The following PDLIM5 variants were observed in gnomAD, a reference collection of about 807,000 sequenced individuals.
PDLIM5 encodes PDZ and LIM domain protein 5.
A neutral mutation model predicts 64.2 loss-of-function variants in PDLIM5; 34 were observed. The ratio of observed to expected loss-of-function variants is 0.53; its 90% confidence interval spans 0.40 to 0.71. The LOEUF is 0.71. PDLIM5 is among the 30% of genes least tolerant of loss of function. The probability of loss-of-function intolerance (pLI) is 0.00; values close to 1 mark genes in which losing one functional copy is unlikely to be tolerated. For synonymous variants in PDLIM5, 253 were observed against 269.1 expected (o/e 0.94, Z 0.59); for missense variants, 683 against 733.6 (o/e 0.93, Z 0.80).
At chr4:94,559,692 C>T (rs1733671774) in intron 3 of PDLIM5, among the ~76,000 whole-genome samples, 1 of 152,158 alleles carries the variant, frequency 6.6e-6, no homozygotes, top group Non-Finnish European at 1.5e-5. Context: ...ATATGGATCT[C>T]AACATTAATT....
chr4:94,558,965 T>C (rs1733609393), intron 3 of PDLIM5, among the ~76,000 whole-genome samples: 1 of 152,154 alleles, frequency 6.6e-6, no homozygotes, highest in Non-Finnish European at 1.5e-5. Context: ...ATTTCAGTTA[T>C]AGCAGTCATA....
intron 7 of PDLIM5, among the ~76,000 whole-genome samples, chr4:94,588,790 A>G (rs1736452012): frequency 6.6e-6 from 1 of 152,204 alleles, no homozygotes; most frequent in Non-Finnish European, 1.5e-5. Context: ...ATTCTTTCAC[A>G]TTAGTGACAT....
At chr4:94,623,233 C>T (rs1423385330) in intron 8 of PDLIM5, among the ~76,000 whole-genome samples, 1 of 151,946 alleles carries the variant, frequency 6.6e-6, no homozygotes, top group Non-Finnish European at 1.5e-5. Flanking sequence ...ATTTTTGGTC[C>T]CCTTGCAATC....
At chr4:94,587,605 G>A (rs539733519) in intron 7 of PDLIM5, 14 of 968,680 alleles carry the variant, frequency 1.4e-5, no homozygotes, top group East Asian at 1.1e-4. Context: ...AGAAGAGTGC[G>A]TGCATTGTAG....
intron 2 of PDLIM5, chr4:94,456,259 C>T (rs576801585): frequency 3.7e-5 from 18 of 484,474 alleles, no homozygotes; most frequent in South Asian, 2.1e-4. Context: ...AGTGCAGTGG[C>T]GCAATCTCGG....
At chr4:94,585,854 G>A in intron 6 of PDLIM5, 117 bp downstream of exon 6, 1 of 748,022 alleles carries the variant, frequency 1.3e-6, no homozygotes, top group East Asian at 2.6e-5. Flanking sequence ...TTTAAATTAT[G>A]CTGTGCATAA....
At chr4:94,602,217 A>T (rs930150905) in intron 7 of PDLIM5, among the ~76,000 whole-genome samples, 5 of 152,052 alleles carry the variant, frequency 3.3e-5, no homozygotes, top group African/African-American at 1.2e-4. Flanking sequence ...TCACTAGTCT[A>T]TTTGATCATT....
chr4:94,514,340 T>C (rs1404794155), intron 2 of PDLIM5, among the ~76,000 whole-genome samples: 1 of 152,004 alleles, frequency 6.6e-6, no homozygotes. Flanking sequence ...TTCACCATGT[T>C]AGCCAGGATG....
chr4:94,587,312 G>T, intron 7 of PDLIM5: 1 of 1,303,498 alleles, frequency 7.7e-7, no homozygotes, highest in Non-Finnish European at 9.7e-7. Flanking sequence ...AAAATTAAGG[G>T]ACTAGATCTA....
chr4:94,490,373 T>A (rs1726760620), intron 2 of PDLIM5, among the ~76,000 whole-genome samples: 1 of 152,020 alleles, frequency 6.6e-6, no homozygotes, highest in African/African-American at 2.4e-5. Context: ...TTCTCAAAAT[T>A]AAAATAAAAA....
intron 11 of PDLIM5, among the ~76,000 whole-genome samples, chr4:94,658,000 A>G (rs964597346): frequency 3.3e-5 from 5 of 152,188 alleles, no homozygotes; most frequent in Non-Finnish European, 4.4e-5. Context: ...CTGGCCCTAT[A>G]TAGACTTTTT....
chr4:94,522,130 AG>A (rs1729884622), intron 2 of PDLIM5, among the ~76,000 whole-genome samples: 1 of 152,172 alleles, frequency 6.6e-6, no homozygotes, highest in South Asian at 2.1e-4. Flanking sequence ...TTCTCAGATC[AG>A]TAATCTGAGG....
chr4:94,458,527 G>GA (rs903311267), intron 2 of PDLIM5, among the ~76,000 whole-genome samples: 10 of 151,756 alleles, frequency 6.6e-5, no homozygotes, highest in East Asian at 1.9e-4. Flanking sequence ...ATTAAGAAAG[G>GA]AAAAAAAATC....
intron 3 of PDLIM5, among the ~76,000 whole-genome samples, chr4:94,526,696 A>T (rs1730385058): frequency 6.6e-6 from 1 of 152,022 alleles, no homozygotes; most frequent in Non-Finnish European, 1.5e-5. Flanking sequence ...TCTTATATCA[A>T]AGTAAGTATG....
intron 2 of PDLIM5, among the ~76,000 whole-genome samples, chr4:94,480,794 A>G (rs28502775): frequency 0.14 from 20,948 of 152,234 alleles, 1,955 homozygotes; most frequent in Non-Finnish European, 0.21. Flanking sequence ...AGAGAAAAGC[A>G]GGGAAAAGAT....
At chr4:94,484,984 CAT>C (rs976053596) in intron 2 of PDLIM5, among the ~76,000 whole-genome samples, 7 of 152,076 alleles carry the variant, frequency 4.6e-5, no homozygotes, top group Admixed American at 1.3e-4. Context: ...ATTGAAACCT[CAT>C]GTGACTAGTC....
chr4:94,453,732 T>C (rs1723066958), intron 1 of PDLIM5, among the ~76,000 whole-genome samples: 1 of 152,186 alleles, frequency 6.6e-6, no homozygotes, highest in Non-Finnish European at 1.5e-5. Flanking sequence ...GGGAAAGCAA[T>C]TGAATTATGT....
At chr4:94,550,073 T>C (rs957181835) in intron 3 of PDLIM5, 1 of 152,018 alleles carries the variant, frequency 6.6e-6, no homozygotes, top group African/African-American at 2.4e-5. Flanking sequence ...TAAACACATA[T>C]ATTAAATATA....
chr4:94,528,381 C>G (rs866427355), intron 3 of PDLIM5, among the ~76,000 whole-genome samples: 1 of 152,258 alleles, frequency 6.6e-6, no homozygotes, highest in Non-Finnish European at 1.5e-5. Context: ...GGCAATTCCA[C>G]GAGTCTTATA....
Sources: allele counts gnomAD v4.1 joint callset (sites outside exome capture counted in the v4.1 genomes callset), GRCh38; gene constraint gnomAD v4.1.1; transcripts MANE v1.5; gene names NCBI Gene and HGNC (gene_info 2026-07-23, HGNC 2026-07-21).